Variants in NRP1 observed in about 807,000 individuals in gnomAD.
The protein encoded by NRP1 is neuropilin-1.
In NRP1, 35 loss-of-function variants were observed where a neutral mutation model predicts 106.7. The observed-to-expected ratio is 0.33, with a 90% CI of 0.25 to 0.43. The LOEUF is 0.43. Ranked by LOEUF, NRP1 falls within the 20% of genes least tolerant of loss-of-function variation. NRP1 has a pLI of 1.00. For synonymous variants in NRP1, 437 were observed against 417.9 expected (o/e 1.05, Z -0.56); for missense variants, 1,024 against 1,170.4 (o/e 0.87, Z 1.83).
intron 8 of NRP1, among the ~76,000 whole-genome samples, chr10:33,220,517 A>G (rs1839145809): frequency 6.6e-6 from 1 of 152,318 alleles, no homozygotes. Flanking sequence ...GTTTCAATGA[A>G]AGTTTGGCAA....
At position 33,322,470 on chromosome 10, in the gene NRP1, A is replaced by G. The variant is rs1034826559; in HGVS notation, c.248+8238T>C. On this transcript the variant is annotated intron_variant, in intron 2 of 16. Coordinates refer to ENST00000374867, the MANE Select transcript of NRP1 (RefSeq NM_003873.7). The stretch of plus-strand genomic sequence containing the variant: ...ATAGCTCACTGTCACCTCAAACTCC[A>G]AACTCCTGGCCTAAGCGATCTTCCT... Among the ~76,000 whole-genome samples, 7 of 152,232 alleles carry G rather than the reference A, an allele frequency of 4.6e-5. No homozygotes were observed. The East Asian group carries it at 1.4e-3, about 29-fold the overall frequency.
At position 33,255,490 on chromosome 10, in the gene NRP1, T is replaced by C. The variant is rs181267906; in HGVS notation, c.814+826A>G. ...TTGTTCTTGAGACTGGGTCTCACTC[T>C]GTCAACCAGGCTGGAGTGCAGTGGC... On this transcript the variant is annotated intron_variant, in intron 5 of 16. Coordinates refer to ENST00000374867, the MANE Select transcript of NRP1 (RefSeq NM_003873.7). 1.1e-3 allele frequency among the ~76,000 whole-genome samples: 165 copies of C among 152,334 alleles called. 1 individual carries two copies. The highest frequency in any genetic ancestry group is 3.8e-3 in the African/African-American group (156 of 41,578).
chr10:33,255,435 A>G (rs1842131771), intron 5 of NRP1, among the ~76,000 whole-genome samples: 1 of 152,162 alleles, frequency 6.6e-6, no homozygotes, highest in Non-Finnish European at 1.5e-5. Flanking sequence ...ATAATTGCAC[A>G]AACAATTTTT....
chr10:33,312,337 CCTTTGAAAAGCTA>C (rs1846664771), intron 2 of NRP1, among the ~76,000 whole-genome samples: 1 of 152,238 alleles, frequency 6.6e-6, no homozygotes, highest in African/African-American at 2.4e-5. Flanking sequence ...CCTTGTTTAG[CCTTTGAAAAGCTA>C]CTTTATCATT....
chr10:33,213,131 G>T, intron 9 of NRP1: 1 of 999,660 alleles, frequency 1.0e-6, no homozygotes, highest in South Asian at 1.7e-5. Flanking sequence ...CTGTCTGCAT[G>T]TTGAGCTGTC....
chr10:33,290,165 C>T (rs79384388), intron 2 of NRP1, among the ~76,000 whole-genome samples: 5,643 of 152,166 alleles, frequency 0.037, 163 homozygotes, highest in Non-Finnish European at 0.06. Context: ...ATATGTGATA[C>T]GTCTATATGT....
intron 2 of NRP1, among the ~76,000 whole-genome samples, chr10:33,322,691 T>C (rs1399181773): frequency 6.6e-6 from 1 of 152,222 alleles, no homozygotes; most frequent in African/African-American, 2.4e-5. Flanking sequence ...CAAGTTTCAA[T>C]TGAGTGGAAA....
At chr10:33,281,204 C>T (rs1345688489) in intron 2 of NRP1, among the ~76,000 whole-genome samples, 1 of 152,002 alleles carries the variant, frequency 6.6e-6, no homozygotes, top group Admixed American at 6.5e-5. Flanking sequence ...CAAGCACCAC[C>T]ACACCCAGCT....
At chr10:33,274,791 C>A (rs138724920) in intron 2 of NRP1, among the ~76,000 whole-genome samples, 2 of 152,256 alleles carry the variant, frequency 1.3e-5, no homozygotes, top group South Asian at 2.1e-4. Context: ...GGACCTCCCC[C>A]CACTGGCATA....
intron 3 of NRP1, among the ~76,000 whole-genome samples, chr10:33,270,324 A>G (rs1274510990): frequency 7.1e-6 from 1 of 140,056 alleles, no homozygotes; most frequent in Admixed American, 7.2e-5. Context: ...ACAATGTTAA[A>G]TAAATTTTTT....
At chr10:33,230,597 ATGTGTGTG>A (rs10558085) in intron 6 of NRP1, among the ~76,000 whole-genome samples, 18,035 of 144,604 alleles carry the variant, frequency 0.12, 1,427 homozygotes, top group East Asian at 0.48. Context: ...TTTCTCATAT[ATGTGTGTG>A]TGTGTGTGTG....
intron 2 of NRP1, among the ~76,000 whole-genome samples, chr10:33,290,209 A>G (rs1350314162): frequency 6.6e-6 from 1 of 152,198 alleles, no homozygotes; most frequent in Non-Finnish European, 1.5e-5. Flanking sequence ...CATAAATATA[A>G]AATATTACAA....
At chr10:33,297,723 A>C (rs1173295798) in intron 2 of NRP1, among the ~76,000 whole-genome samples, 1 of 151,860 alleles carries the variant, frequency 6.6e-6, no homozygotes, top group Non-Finnish European at 1.5e-5. Context: ...TCTTGTTCCA[A>C]GAAACCTACT....
At chr10:33,242,818 A>G (rs1007521105) in intron 6 of NRP1, among the ~76,000 whole-genome samples, 1 of 152,200 alleles carries the variant, frequency 6.6e-6, no homozygotes, top group African/African-American at 2.4e-5. Context: ...AAACACACCA[A>G]GGCTAGACAG....
chr10:33,334,249 C>T (rs1848475011), intron 1 of NRP1, 61 bp downstream of exon 1: 4 of 1,474,576 alleles, frequency 2.7e-6, no homozygotes, highest in Non-Finnish European at 3.7e-6. Flanking sequence ...GAGCCCCGGT[C>T]CGGGGCGGGC....
chr10:33,304,645 G>A (rs1846021939), intron 2 of NRP1, among the ~76,000 whole-genome samples: 1 of 152,046 alleles, frequency 6.6e-6, no homozygotes, highest in South Asian at 2.1e-4. Context: ...ATGTTCTCTG[G>A]GGGATGAAAT....
intron 2 of NRP1, among the ~76,000 whole-genome samples, chr10:33,322,964 G>A (rs1045301151): frequency 1.3e-5 from 2 of 152,142 alleles, no homozygotes; most frequent in Non-Finnish European, 2.9e-5. Flanking sequence ...ATTTATTTGG[G>A]TTCTGTTCAT....
chr10:33,273,161 C>T (rs1843436813), intron 2 of NRP1, among the ~76,000 whole-genome samples: 1 of 151,914 alleles, frequency 6.6e-6, no homozygotes, highest in African/African-American at 2.4e-5. Context: ...AGTTAAGTGC[C>T]AATTTTAGGA....
In NRP1 at chr10:33,330,704, T is replaced by C. The variant is rs776490581; in HGVS notation, c.248+4A>G. 1.2e-6 allele frequency: 2 copies of C among 1,608,824 alleles called. No homozygotes were observed. The highest frequency in any genetic ancestry group is 1.7e-6 in the Non-Finnish European group (2 of 1,176,320). On this transcript the variant is annotated splice_donor_region_variant and intron_variant, in intron 2 of 16. Transcript: ENST00000374867. ...GTGCCCTGTTCAAAAACATTCCCAC[T>C]TACTTGCAGTCTCTGTCCTCCAAAT...
Sources: gnomAD v4.1 joint callset for allele counts (sites outside exome capture counted in the v4.1 genomes callset) on GRCh38, gnomAD v4.1.1 for gene constraint, MANE v1.5 for transcripts, NCBI Gene and HGNC (gene_info 2026-07-23, HGNC 2026-07-21) for gene names.